Variants in PDE4D observed in about 807,000 individuals in gnomAD.
PDE4D encodes 3',5'-cyclic-AMP phosphodiesterase 4D.
In PDE4D, 24 loss-of-function variants were observed where a neutral mutation model predicts 87.4. The observed-to-expected ratio is 0.27, with a 90% confidence interval of 0.20 to 0.39. PDE4D has a LOEUF of 0.39. Among genes scored for constraint, PDE4D ranks in the 10% least tolerant of loss-of-function variants. The pLI is 1.00. For missense variants in PDE4D, 714 were observed against 1,041.0 expected, an observed-to-expected ratio of 0.69 and a Z score of 4.32; for synonymous variants, 384 against 383.2, an observed-to-expected ratio of 1.00 and a Z score of -0.02.
intron 5 of PDE4D, among the ~76,000 whole-genome samples, chr5:59,082,777 G>C (rs1375931290): frequency 1.3e-5 from 2 of 152,038 alleles, no homozygotes; most frequent in Non-Finnish European, 2.9e-5. Flanking sequence ...AGTTACTTTT[G>C]CCCTAAAATG....
intron 1 of PDE4D, among the ~76,000 whole-genome samples, chr5:60,264,031 G>T (rs1305209409): frequency 6.6e-6 from 1 of 151,678 alleles, no homozygotes; most frequent in African/African-American, 2.4e-5. Context: ...TAAACTAAAA[G>T]GGATTTCTGA....
intron 1 of PDE4D, among the ~76,000 whole-genome samples, chr5:59,493,400 G>A (rs1019435145): frequency 6.6e-6 from 1 of 152,092 alleles, no homozygotes; most frequent in Non-Finnish European, 1.5e-5. Flanking sequence ...TTTTAAAAAA[G>A]CATGTTCTAA....
intron 3 of PDE4D, among the ~76,000 whole-genome samples, chr5:59,943,446 C>A (rs1757395186): frequency 6.6e-6 from 1 of 152,132 alleles, no homozygotes; most frequent in Non-Finnish European, 1.5e-5. Context: ...TTCCATCAGA[C>A]CCACATTTTC....
At chr5:60,517,727 G>T (rs1052958662) in intron 1 of PDE4D, among the ~76,000 whole-genome samples, 1 of 152,198 alleles carries the variant, frequency 6.6e-6, no homozygotes, top group African/African-American at 2.4e-5. Flanking sequence ...GGTCTCCTGG[G>T]AGCTGTACCG....
chr5:59,954,413 G>T (rs1420326148), intron 3 of PDE4D, among the ~76,000 whole-genome samples: 1 of 152,112 alleles, frequency 6.6e-6, no homozygotes, highest in Non-Finnish European at 1.5e-5. Flanking sequence ...TCTATTTCAG[G>T]ATTACTAAAC....
At chr5:59,707,451 C>T (rs1224068108) in intron 1 of PDE4D, among the ~76,000 whole-genome samples, 1 of 152,086 alleles carries the variant, frequency 6.6e-6, no homozygotes, top group African/African-American at 2.4e-5. Flanking sequence ...CAAACTATGG[C>T]CCTCAGGCCA....
intron 2 of PDE4D, among the ~76,000 whole-genome samples, chr5:60,058,950 T>C (rs1771083058): frequency 6.6e-6 from 1 of 151,756 alleles, no homozygotes; most frequent in African/African-American, 2.4e-5. Context: ...TTCAGAAAAA[T>C]GATATCCATA....
intron 2 of PDE4D, among the ~76,000 whole-genome samples, chr5:60,048,249 C>T (rs1769567676): frequency 6.6e-6 from 1 of 152,078 alleles, no homozygotes; most frequent in Non-Finnish European, 1.5e-5. Flanking sequence ...TATTTTGAGC[C>T]TATGTGTGTC....
chr5:60,341,109 TG>T (rs904990289), intron 1 of PDE4D, among the ~76,000 whole-genome samples: 1 of 151,558 alleles, frequency 6.6e-6, no homozygotes, highest in African/African-American at 2.4e-5. Context: ...ATCTTGAAAC[TG>T]TTCTGAATGA....
At chr5:60,086,916 T>C (rs2152907591) in intron 2 of PDE4D, among the ~76,000 whole-genome samples, 1 of 152,334 alleles carries the variant, frequency 6.6e-6, no homozygotes, top group South Asian at 2.1e-4. Context: ...GCCATAGTGC[T>C]GCAAGGGGGG....
intron 2 of PDE4D, chr5:60,021,848 T>C (rs1330779737): frequency 6.6e-6 from 1 of 152,218 alleles, no homozygotes; most frequent in East Asian, 1.9e-4. Context: ...ATCTTAGCAG[T>C]AAATATTGCA....
intron 1 of PDE4D, among the ~76,000 whole-genome samples, chr5:60,469,287 C>T (rs1747636942): frequency 6.6e-6 from 1 of 152,090 alleles, no homozygotes; most frequent in African/African-American, 2.4e-5. Flanking sequence ...CTTCACTCCA[C>T]CCCCTCCTGT....
chr5:60,276,414 C>G (rs577250520), intron 1 of PDE4D, among the ~76,000 whole-genome samples: 2 of 152,084 alleles, frequency 1.3e-5, no homozygotes, highest in Non-Finnish European at 2.9e-5. Flanking sequence ...TTAAGTTAGG[C>G]CTGATGGTTT....
In PDE4D at chr5:60,100,310, G is replaced by A. The variant is rs186062266; in HGVS notation, c.42+85247C>T. Among the ~76,000 whole-genome samples, 3 of 152,124 alleles carry A rather than the reference G, an allele frequency of 2.0e-5. No homozygotes were observed. The East Asian group carries it at 5.8e-4, about 29-fold the overall frequency. The stretch of plus-strand genomic sequence containing the variant: ...ATTTCTCATAGATGGGGAACAGGGT[G>A]AAGGAGGAATAGATGGGATTGGGAG... On this transcript the variant is annotated intron_variant, in intron 2 of 16. Transcript: ENST00000502484.
intron 1 of PDE4D, among the ~76,000 whole-genome samples, chr5:60,443,493 C>CT (rs1277546461): frequency 2.0e-5 from 3 of 152,060 alleles, no homozygotes; most frequent in African/African-American, 7.2e-5. Flanking sequence ...TGAGGAGGTT[C>CT]TTTTTCCCCA....
At chr5:59,726,411 T>C (rs905313971) in intron 1 of PDE4D, among the ~76,000 whole-genome samples, 2 of 151,816 alleles carry the variant, frequency 1.3e-5, no homozygotes, top group Admixed American at 6.6e-5. Flanking sequence ...TTTTGGGAGG[T>C]GATGAGATCA....
chr5:60,513,259 T>A (rs1045500084), intron 1 of PDE4D, among the ~76,000 whole-genome samples: 1 of 151,818 alleles, frequency 6.6e-6, no homozygotes, highest in African/African-American at 2.4e-5. Context: ...TAGAAAGAGG[T>A]CGCTATGCAG....
At chr5:60,036,737 G>T (rs371583678) in intron 2 of PDE4D, among the ~76,000 whole-genome samples, 1 of 152,110 alleles carries the variant, frequency 6.6e-6, no homozygotes, top group African/African-American at 2.4e-5. Context: ...TTGTTGCCTA[G>T]TTACCCTCGT....
chr5:59,077,543 G>A (rs1028802480), intron 5 of PDE4D, among the ~76,000 whole-genome samples: 3 of 145,790 alleles, frequency 2.1e-5, no homozygotes, highest in Non-Finnish European at 3.0e-5. Flanking sequence ...GTGCGATCTC[G>A]CTGCAACCTC....
Sources: allele counts gnomAD v4.1 joint callset (sites outside exome capture counted in the v4.1 genomes callset), GRCh38; gene constraint gnomAD v4.1.1; transcripts MANE v1.5; gene names NCBI Gene and HGNC (gene_info 2026-07-23, HGNC 2026-07-21).